Variants in CTNNA3 observed in about 807,000 individuals in gnomAD.
CTNNA3 encodes catenin alpha 3.
Under a neutral mutation model 95.7 loss-of-function variants are expected in CTNNA3, and 76 were observed. The observed-to-expected ratio is 0.79, with a 90% CI of 0.66 to 0.96. The LOEUF (loss-of-function observed/expected upper bound fraction) is 0.96. CTNNA3 is among the 40% of genes least tolerant of loss of function. The pLI, the probability that CTNNA3 is intolerant of heterozygous loss-of-function variation, is 0.00. For synonymous variants in CTNNA3, 431 were observed against 374.4 expected, an observed-to-expected ratio of 1.15 and a Z score of -1.74; for missense variants, 1,191 against 1,089.8, an observed-to-expected ratio of 1.09 and a Z score of -1.31.
chr10:65,936,296 A>G (rs2077336777), intron 17 of CTNNA3, among the ~76,000 whole-genome samples: 1 of 152,106 alleles, frequency 6.6e-6, no homozygotes, highest in Non-Finnish European at 1.5e-5. Flanking sequence ...ATGAATTTGC[A>G]AGTACCACAG....
At chr10:66,590,095 A>G (rs1843497446) in intron 10 of CTNNA3, among the ~76,000 whole-genome samples, 1 of 152,118 alleles carries the variant, frequency 6.6e-6, no homozygotes, top group Admixed American at 6.5e-5. Context: ...GTTTCAATCA[A>G]ATTATAATGT....
intron 17 of CTNNA3, among the ~76,000 whole-genome samples, chr10:65,947,452 T>A (rs1256957409): frequency 6.6e-6 from 1 of 152,164 alleles, no homozygotes; most frequent in Non-Finnish European, 1.5e-5. Flanking sequence ...TAATCACAAA[T>A]ATTTAATGAG....
intron 13 of CTNNA3, among the ~76,000 whole-genome samples, chr10:66,104,944 T>C (rs1052684357): frequency 6.6e-5 from 10 of 152,232 alleles, no homozygotes; most frequent in African/African-American, 2.4e-4. Context: ...ATAGCAAAAC[T>C]ACCAATTTCC....
intron 17 of CTNNA3, among the ~76,000 whole-genome samples, chr10:65,953,317 G>C (rs1377923557): frequency 6.6e-6 from 1 of 151,856 alleles, no homozygotes; most frequent in African/African-American, 2.4e-5. Flanking sequence ...AAGATGACTA[G>C]GGGAACTGAA....
At chr10:66,292,697 A>T (rs2091704270) in intron 12 of CTNNA3, among the ~76,000 whole-genome samples, 1 of 152,212 alleles carries the variant, frequency 6.6e-6, no homozygotes, top group African/African-American at 2.4e-5. Context: ...GTCAGCAAGA[A>T]TGCTCTGAAA....
At chr10:67,163,066 T>C (rs1334741325) in intron 7 of CTNNA3, among the ~76,000 whole-genome samples, 1 of 151,942 alleles carries the variant, frequency 6.6e-6, no homozygotes, top group East Asian at 1.9e-4. Context: ...TTTAAACATA[T>C]GTAACACCTG....
intron 5 of CTNNA3, among the ~76,000 whole-genome samples, chr10:67,504,156 C>T (rs75348530): frequency 1.1e-5 from 1 of 92,074 alleles, no homozygotes; most frequent in East Asian, 3.6e-4. Flanking sequence ...GACTCCGTCT[C>T]AAAAAAAAAA....
At chr10:67,384,364 T>C (rs1435783138) in intron 5 of CTNNA3, among the ~76,000 whole-genome samples, 1 of 152,204 alleles carries the variant, frequency 6.6e-6, no homozygotes, top group African/African-American at 2.4e-5. Context: ...AATTAAGATG[T>C]TTTAATTTCT....
intron 5 of CTNNA3, among the ~76,000 whole-genome samples, chr10:67,508,470 A>G (rs185282383): frequency 1.3e-5 from 2 of 152,348 alleles, no homozygotes; most frequent in East Asian, 3.9e-4. Context: ...CCAAAAAACA[A>G]ATTTATTTTT....
At chr10:66,515,286 T>TATCTATCTATC (rs886594292) in intron 11 of CTNNA3, among the ~76,000 whole-genome samples, 1 of 151,398 alleles carries the variant, frequency 6.6e-6, no homozygotes, top group Non-Finnish European at 1.5e-5. Context: ...TCTATCTATC[T>TATCTATCTATC]ATCTATCTAT....
intron 16 of CTNNA3, among the ~76,000 whole-genome samples, chr10:65,969,875 A>C (rs2078058628): frequency 6.6e-6 from 1 of 152,126 alleles, no homozygotes; most frequent in Admixed American, 6.6e-5. Context: ...AAAATGTTTC[A>C]AATTTTGCTA....
rs565876419 is a variant in CTNNA3, at chr10:66,686,455, C to T, written c.1282-64671G>A. Among the ~76,000 whole-genome samples, 5 of 152,050 alleles carry T rather than the reference C, an allele frequency of 3.3e-5. No homozygotes were observed. The South Asian group carries it at 1.0e-3, about 32-fold the overall frequency. The stretch of plus-strand genomic sequence containing the variant: ...CTCTGCCTGGGTGACAGAGTGAGAC[C>T]CTGTCTCAAAAAATATATATTTTTT... On this transcript the variant is annotated intron_variant, in intron 9 of 17. Transcript: ENST00000433211.
chr10:66,864,598 C>T (rs192423394), intron 7 of CTNNA3, among the ~76,000 whole-genome samples: 8 of 152,176 alleles, frequency 5.3e-5, no homozygotes, highest in East Asian at 1.9e-4. Flanking sequence ...TGTAGGCTAA[C>T]CTTAACTTGA....
chr10:66,526,059 G>A (rs546998078), intron 10 of CTNNA3, among the ~76,000 whole-genome samples: 1 of 152,188 alleles, frequency 6.6e-6, no homozygotes, highest in South Asian at 2.1e-4. Flanking sequence ...TCTGTCAGTG[G>A]ACATTGGGTT....
chr10:66,605,214 C>T (rs1844076525), intron 10 of CTNNA3, among the ~76,000 whole-genome samples: 1 of 151,848 alleles, frequency 6.6e-6, no homozygotes, highest in Admixed American at 6.6e-5. Flanking sequence ...ATCTCAGAGG[C>T]TGAAGACTAG....
At chr10:67,386,149 G>A (rs1844152661) in intron 5 of CTNNA3, among the ~76,000 whole-genome samples, 1 of 152,134 alleles carries the variant, frequency 6.6e-6, no homozygotes, top group South Asian at 2.1e-4. Context: ...ATTAGGTATA[G>A]GGTTAGACCT....
chr10:66,447,513 T>C (rs1199339134), intron 11 of CTNNA3, among the ~76,000 whole-genome samples: 1 of 149,872 alleles, frequency 6.7e-6, no homozygotes, highest in Non-Finnish European at 1.5e-5. Flanking sequence ...CCCTCAGAAA[T>C]AATGCCACAT....
chr10:67,459,601 G>C (rs1308207891), intron 5 of CTNNA3, among the ~76,000 whole-genome samples: 1 of 152,124 alleles, frequency 6.6e-6, no homozygotes, highest in Non-Finnish European at 1.5e-5. Flanking sequence ...ATTCATGACT[G>C]TCTGTGACAT....
At chr10:67,263,199 G>C (rs1340531839) in intron 5 of CTNNA3, among the ~76,000 whole-genome samples, 1 of 152,102 alleles carries the variant, frequency 6.6e-6, no homozygotes, top group Non-Finnish European at 1.5e-5. Context: ...ATGAGTTCTT[G>C]TTTCAGCCAT....
Sources: allele counts gnomAD v4.1 joint callset (sites outside exome capture counted in the v4.1 genomes callset), GRCh38; gene constraint gnomAD v4.1.1; transcripts MANE v1.5; gene names NCBI Gene and HGNC (gene_info 2026-07-23, HGNC 2026-07-21).